Variants in TEAD3 observed in about 807,000 individuals in gnomAD.
The protein encoded by TEAD3 is TEA domain transcription factor 3.
A neutral mutation model predicts 55.6 loss-of-function variants in TEAD3; 15 were observed. That is an observed-to-expected ratio of 0.27 (90% CI 0.18 to 0.42). The LOEUF (loss-of-function observed/expected upper bound fraction) is 0.42, where lower values mean the gene tolerates loss of function less well. TEAD3 is among the 10% of genes least tolerant of loss of function. The pLI is 1.00. For missense variants in TEAD3, 407 were observed against 576.8 expected (o/e 0.71, Z 3.01); for synonymous variants, 210 against 232.2 (o/e 0.90, Z 0.87).
In TEAD3 at chr6:35,475,853, G is replaced by C. The variant is rs543797739; in HGVS notation, c.900+66C>G. ...AGCAGGGTCAGAGGTCAATGCAGTG[G>C]GCCTGGATGTTGCACCTCTGGGGTG... On this transcript the variant is annotated intron_variant, in intron 10 of 12. Transcript: ENST00000639578. This position sits in a 1 kb window ranked among gnomAD's most constrained non-coding sequence, Gnocchi z 5.4. The C allele has an allele frequency of 1.3e-5, 20 of 1,500,012 alleles. No individual in the cohort carries two copies. Among genetic ancestry groups the C allele is most frequent in the Non-Finnish European group, 1.7e-5 (19 of 1,123,234 alleles). The allele number at this position is 1,500,012 out of a possible 1,614,324, so 92.9% of individuals were successfully genotyped here. A position where few individuals can be genotyped will look rare whatever the true frequency, so the allele number is the denominator to read the frequency against.
chr6:35,491,209 C>T lies in TEAD3; in HGVS notation c.-49-4498G>A, dbSNP rs1176373673. Among the ~76,000 whole-genome samples the T allele has an allele frequency of 2.0e-5, 3 of 149,938 alleles. No individual in the cohort carries two copies. Among genetic ancestry groups the T allele is most frequent in the African/African-American group, 2.5e-5 (1 of 40,508 alleles). ...AGAGACCCCAGGAGAGATGTGGAGG[C>T]AGGGCGGGGGAGTGCTGGACCCTCA... is the stretch of plus-strand genomic sequence containing the variant. On this transcript the variant is annotated intron_variant, in intron 1 of 12. Transcript: ENST00000639578. This position sits in a 1 kb window ranked among gnomAD's most constrained non-coding sequence, Gnocchi z 4.4.
chr6:35,496,349 G>A lies in TEAD3; in HGVS notation c.-50+549C>T, dbSNP rs2150920028. ...CTCTCAGGGGACACACGGCCGGGGC[G>A]CGCGGCTTTGGTCCCAGACACCCTC... On this transcript the variant is annotated intron_variant, in intron 1 of 12. Coordinates refer to ENST00000639578, the Ensembl canonical transcript of TEAD3. The surrounding 1 kb of genome is among the most constrained non-coding windows in gnomAD (Gnocchi z 4.8). 6.6e-6 allele frequency among the ~76,000 whole-genome samples: 1 copy of A among 152,262 alleles called. No homozygotes were observed. The highest frequency in any genetic ancestry group is 1.9e-4 in the East Asian group (1 of 5,164).
chr6:35,490,248 A>T (rs1451840730), intron 1 of TEAD3, among the ~76,000 whole-genome samples: 1 of 152,166 alleles, frequency 6.6e-6, no homozygotes, highest in Non-Finnish European at 1.5e-5. Flanking sequence ...ACTGTGGCCA[A>T]ATATGGCGAA....
At chr6:35,495,912 A>C (rs997628903) in intron 1 of TEAD3, among the ~76,000 whole-genome samples, 3 of 152,220 alleles carry the variant, frequency 2.0e-5, no homozygotes, top group Non-Finnish European at 4.4e-5. Flanking sequence ...ACACAGAAGA[A>C]GACAGCCCCT....
At position 35,485,777 on chromosome 6, in the gene TEAD3, C is replaced by G. The variant is rs1428725879; in HGVS notation, c.202+684G>C. ...CCTGATCCCTTCCCACAGGCGCGCC[C>G]TGGGAAGGGCTGGGCCTGCCTCGCT... On this transcript the variant is annotated intron_variant, in intron 2 of 12. Coordinates refer to ENST00000639578, the Ensembl canonical transcript of TEAD3. This position sits in a 1 kb window ranked among gnomAD's most constrained non-coding sequence, Gnocchi z 4.3. 6.6e-6 allele frequency among the ~76,000 whole-genome samples: 1 copy of G among 152,164 alleles called. No homozygotes were observed. The highest frequency in any genetic ancestry group is 1.5e-5 in the Non-Finnish European group (1 of 68,020).
Position 35,488,999 on chromosome 6 carries a change from C to T in TEAD3, c.-49-2288G>A, listed in dbSNP as rs969197921. The stretch of plus-strand genomic sequence containing the variant: ...GTCTCAAACTTCTGACCTCATGGTC[C>T]GCCAGCCTCGGCCTCCCAAAGTGTT... On this transcript the variant is annotated intron_variant, in intron 1 of 12. Coordinates refer to ENST00000639578, the Ensembl canonical transcript of TEAD3. This position sits in a 1 kb window ranked among gnomAD's most constrained non-coding sequence, Gnocchi z 4.2. Among the ~76,000 whole-genome samples the T allele has an allele frequency of 2.0e-5, 3 of 152,242 alleles. No individual in the cohort carries two copies. The highest frequency in any genetic ancestry group is 6.5e-5 in the Admixed American group (1 of 15,290).
Position 35,485,704 on chromosome 6 carries a change from G to C in TEAD3, c.202+757C>G, listed in dbSNP as rs1056710216. Among the ~76,000 whole-genome samples the C allele has an allele frequency of 6.6e-6, 1 of 152,200 alleles. No homozygotes were observed. Among genetic ancestry groups the C allele is most frequent in the Non-Finnish European group, 1.5e-5 (1 of 68,024 alleles). ...CCCTGGACCATCTGCCTGCCCCCAA[G>C]GTGGGGCTCTGGGGCTGGGTGGGCG... On this transcript the variant is annotated intron_variant, in intron 2 of 12. Coordinates refer to ENST00000639578, the Ensembl canonical transcript of TEAD3. The surrounding 1 kb of genome is among the most constrained non-coding windows in gnomAD (Gnocchi z 4.3).
chr6:35,483,858 T>C lies in TEAD3; in HGVS notation c.267+702A>G, dbSNP rs187934303. 3.9e-5 allele frequency among the ~76,000 whole-genome samples: 6 copies of C among 152,202 alleles called. No homozygotes were observed. In the East Asian group the frequency reaches 9.7e-4, roughly 24 times the overall value. ...TTGAAGAAGTTACTTAACTTCCCTA[T>C]GCATCAGTTTCCTCATAGTAAAAAA... On this transcript the variant is annotated intron_variant, in intron 3 of 12. Coordinates refer to ENST00000639578, the Ensembl canonical transcript of TEAD3. This position sits in a 1 kb window ranked among gnomAD's most constrained non-coding sequence, Gnocchi z 4.5.
chr6:35,489,022 G>T (rs1768447458), intron 1 of TEAD3, among the ~76,000 whole-genome samples: 1 of 152,254 alleles, frequency 6.6e-6, no homozygotes, highest in South Asian at 2.1e-4. Flanking sequence ...CTCCCAAAGT[G>T]TTGGGATTAC....
At chr6:35,476,459 A>G (rs1768151003) in intron 8 of TEAD3, 24 bp from the exon 9 acceptor site, 7 of 1,611,964 alleles carry the variant, frequency 4.3e-6, no homozygotes, top group Non-Finnish European at 5.9e-6. Context: ...ACAGATTTTC[A>G]TCTGCATGGA....
At position 35,488,535 on chromosome 6, in the gene TEAD3, C is replaced by G. The variant is rs918746267; in HGVS notation, c.-49-1824G>C. On this transcript the variant is annotated intron_variant, in intron 1 of 12. Transcript: ENST00000639578. This position sits in a 1 kb window ranked among gnomAD's most constrained non-coding sequence, Gnocchi z 4.2. The stretch of plus-strand genomic sequence containing the variant: ...GGAGGGGTGGAGATGTAGGGGACAC[C>G]GTCAGAAGCCAGGGAGAGGAAGATG... Among the ~76,000 whole-genome samples, 1 of 151,862 alleles carries G rather than the reference C, an allele frequency of 6.6e-6. No individual in the cohort carries two copies. Among genetic ancestry groups the G allele is most frequent in the Non-Finnish European group, 1.5e-5 (1 of 68,014 alleles).
intron 1 of TEAD3, among the ~76,000 whole-genome samples, chr6:35,495,219 A>G (rs983625249): frequency 5.3e-5 from 8 of 152,206 alleles, no homozygotes; most frequent in African/African-American, 1.2e-4. Context: ...GAGAATATCA[A>G]ATCCTCCCGG....
Position 35,484,524 on chromosome 6 carries a change from T to G in TEAD3, c.267+36A>C. Reference sequence around the variant, plus strand: ...TGACCGGGGCAGCTGAGACAGAGTGTGTGGGTGGCAGGCCCAGCATAAACC... The same window carrying G: ...TGACCGGGGCAGCTGAGACAGAGTGGGTGGGTGGCAGGCCCAGCATAAACC... On this transcript the variant is annotated intron_variant, in intron 3 of 12. Coordinates refer to ENST00000639578, the Ensembl canonical transcript of TEAD3. This position sits in a 1 kb window ranked among gnomAD's most constrained non-coding sequence, Gnocchi z 5.8. The G allele has an allele frequency of 6.3e-7, 1 of 1,576,554 alleles. No homozygotes were observed. Among genetic ancestry groups the G allele is most frequent in the African/African-American group, 1.3e-5 (1 of 74,102 alleles).
At position 35,480,297 on chromosome 6, in the gene TEAD3, A is replaced by G. The variant is rs772085087; in HGVS notation, c.268-175T>C. The G allele has an allele frequency of 6.2e-6, 10 of 1,613,070 alleles. No individual in the cohort carries two copies. Among genetic ancestry groups the G allele is most frequent in the Non-Finnish European group, 6.8e-6 (8 of 1,179,566 alleles). On this transcript the variant is annotated intron_variant, in intron 3 of 12. Coordinates refer to ENST00000639578, the Ensembl canonical transcript of TEAD3. ...CCCAGGAGGGCTGAAGGCCCCCGCCAGGCACCCAACATACCTTGATGCCAA... is the reference window on the plus strand; with the variant it reads ...CCCAGGAGGGCTGAAGGCCCCCGCCGGGCACCCAACATACCTTGATGCCAA...
At chr6:35,495,787 C>G (rs1768630914) in intron 1 of TEAD3, among the ~76,000 whole-genome samples, 1 of 152,226 alleles carries the variant, frequency 6.6e-6, no homozygotes, top group Admixed American at 6.5e-5. Flanking sequence ...ATACGCAGAG[C>G]CGCTATGGGC....
chr6:35,476,509 C>T, intron 8 of TEAD3, 74 bp from the exon 9 acceptor site: 1 of 1,577,822 alleles, frequency 6.3e-7, no homozygotes, highest in South Asian at 1.2e-5. Flanking sequence ...CCCCAGCTTG[C>T]AAAGGTGCCC....
At chr6:35,476,664 G>T (rs1461332223) in intron 8 of TEAD3, among the ~76,000 whole-genome samples, 1 of 152,228 alleles carries the variant, frequency 6.6e-6, no homozygotes, top group Non-Finnish European at 1.5e-5. Context: ...ACACAGAGAA[G>T]TAAAAAAGGG....
rs1372698661 is a variant in TEAD3, at chr6:35,496,676, C to A, written c.-50+222G>T. On this transcript the variant is annotated intron_variant, in intron 1 of 12. Transcript: ENST00000639578. This position sits in a 1 kb window ranked among gnomAD's most constrained non-coding sequence, Gnocchi z 4.8. ...TCCCCACCTTCCCGGACCAACTCGTCCCCGTCGCGGGGGGGTGGGGAGGGC... is the reference window on the plus strand; with the variant it reads ...TCCCCACCTTCCCGGACCAACTCGTACCCGTCGCGGGGGGGTGGGGAGGGC... Among the ~76,000 whole-genome samples the A allele has an allele frequency of 1.3e-5, 2 of 152,166 alleles. No homozygotes were observed. The highest frequency in any genetic ancestry group is 2.9e-5 in the Non-Finnish European group (2 of 68,006).
rs1232508989 is a variant in TEAD3, at chr6:35,478,582, G to A, written c.343-11C>T. Reference sequence around the variant, plus strand: ...CTTGGAGACCTGGTCCTGGGGAGAGGAGGCTGCATGAAGCCAGGGCCACGC... The same window carrying A: ...CTTGGAGACCTGGTCCTGGGGAGAGAAGGCTGCATGAAGCCAGGGCCACGC... On this transcript the variant is annotated splice_polypyrimidine_tract_variant and intron_variant, in intron 5 of 12. Coordinates refer to ENST00000639578, the Ensembl canonical transcript of TEAD3. 2 of 1,576,076 alleles carry A rather than the reference G, an allele frequency of 1.3e-6. No individual in the cohort carries two copies. The highest frequency in any genetic ancestry group is 8.6e-7 in the Non-Finnish European group (1 of 1,161,270).
Sources: gnomAD v4.1 joint callset for allele counts (sites outside exome capture counted in the v4.1 genomes callset) on GRCh38, gnomAD v4.1.1 for gene constraint, Gnocchi (gnomAD v3.1) non-coding constraint, MANE v1.5 for transcripts, NCBI Gene and HGNC (gene_info 2026-07-23, HGNC 2026-07-21) for gene names.